Variants in GALNTL6 observed in about 807,000 individuals in gnomAD.
GALNTL6 encodes polypeptide N-acetylgalactosaminyltransferase-like 6.
A neutral mutation model predicts 73.7 loss-of-function variants in GALNTL6; 46 were observed. The observed-to-expected ratio is 0.62, with a 90% CI of 0.49 to 0.80. The LOEUF is 0.80. Ranked by LOEUF, GALNTL6 falls within the 30% of genes least tolerant of loss-of-function variation. The pLI is 0.00. For synonymous variants in GALNTL6, 259 were observed against 263.7 expected (o/e 0.98, Z 0.17); for missense variants, 604 against 755.0 (o/e 0.80, Z 2.34).
intron 2 of GALNTL6, among the ~76,000 whole-genome samples, chr4:172,161,025 G>T (rs952062026): frequency 6.6e-6 from 1 of 151,712 alleles, no homozygotes; most frequent in Admixed American, 6.6e-5. Context: ...GCAGGTGAAA[G>T]ATGTAATAAT....
At chr4:172,013,510 A>G (rs1420885516) in intron 2 of GALNTL6, among the ~76,000 whole-genome samples, 7 of 151,872 alleles carry the variant, frequency 4.6e-5, no homozygotes, top group Non-Finnish European at 8.8e-5. Context: ...TTTAAGATTA[A>G]CTAGTATATA....
intron 2 of GALNTL6, among the ~76,000 whole-genome samples, chr4:171,906,767 C>T (rs1218613566): frequency 1.3e-5 from 2 of 152,266 alleles, no homozygotes; most frequent in East Asian, 3.9e-4. Context: ...CAAACCGAAT[C>T]CAGCAGCACA....
chr4:171,824,318 G>A (rs1443270213), intron 2 of GALNTL6, among the ~76,000 whole-genome samples: 4 of 151,674 alleles, frequency 2.6e-5, no homozygotes, highest in African/African-American at 9.7e-5. Context: ...AGTGGTGAAG[G>A]GCATGGACAC....
At chr4:172,798,021 G>T (rs1315899092) in intron 5 of GALNTL6, among the ~76,000 whole-genome samples, 1 of 152,120 alleles carries the variant, frequency 6.6e-6, no homozygotes. Flanking sequence ...GTTCTATGCA[G>T]CTTGGTGATT....
intron 2 of GALNTL6, among the ~76,000 whole-genome samples, chr4:172,094,768 G>A (rs2131005): frequency 0.9 from 136,700 of 152,054 alleles, 62,395 homozygotes; most frequent in East Asian, 1. Context: ...GATTATTAAC[G>A]TCTTAATCAT....
intron 8 of GALNTL6, among the ~76,000 whole-genome samples, chr4:172,917,718 A>G (rs1255790460): frequency 6.6e-6 from 1 of 152,254 alleles, no homozygotes; most frequent in Non-Finnish European, 1.5e-5. Flanking sequence ...CACACCAGTT[A>G]GAATGGGGAT....
intron 7 of GALNTL6, among the ~76,000 whole-genome samples, chr4:172,830,461 A>C (rs540693380): frequency 5.9e-5 from 9 of 152,154 alleles, no homozygotes; most frequent in Non-Finnish European, 1.2e-4. Flanking sequence ...CCTTCTGGTA[A>C]AAAAGTGAAT....
intron 2 of GALNTL6, among the ~76,000 whole-genome samples, chr4:172,130,297 G>A (rs1394944567): frequency 2.7e-5 from 4 of 150,176 alleles, no homozygotes; most frequent in Admixed American, 6.7e-5. Flanking sequence ...TTATAAATAC[G>A]GAATCCTTTA....
intron 2 of GALNTL6, among the ~76,000 whole-genome samples, chr4:171,992,573 A>G (rs1323430895): frequency 6.6e-6 from 1 of 152,108 alleles, no homozygotes; most frequent in African/African-American, 2.4e-5. Flanking sequence ...AAAATGAGAA[A>G]TAGAATTCTG....
intron 2 of GALNTL6, among the ~76,000 whole-genome samples, chr4:171,903,186 G>A (rs1203258031): frequency 6.6e-6 from 1 of 152,146 alleles, no homozygotes; most frequent in East Asian, 1.9e-4. Context: ...CTCCCAGCGT[G>A]AGCGACACAG....
At chr4:172,122,069 C>A (rs1359859254) in intron 2 of GALNTL6, among the ~76,000 whole-genome samples, 1 of 150,814 alleles carries the variant, frequency 6.6e-6, no homozygotes, top group Non-Finnish European at 1.5e-5. Flanking sequence ...ATAGCAAAGA[C>A]ATTTCCTTGT....
At chr4:172,001,520 T>C (rs1448775730) in intron 2 of GALNTL6, among the ~76,000 whole-genome samples, 1 of 152,162 alleles carries the variant, frequency 6.6e-6, no homozygotes, top group Non-Finnish European at 1.5e-5. Context: ...AGTTTAGTTT[T>C]CCTTGACAAT....
At chr4:172,433,315 A>C (rs1731523736) in intron 5 of GALNTL6, among the ~76,000 whole-genome samples, 1 of 152,064 alleles carries the variant, frequency 6.6e-6, no homozygotes, top group Admixed American at 6.6e-5. Context: ...AAATTGCCAA[A>C]AGGATTAAAA....
chr4:172,417,120 T>C (rs1730867225), intron 5 of GALNTL6, among the ~76,000 whole-genome samples: 1 of 152,190 alleles, frequency 6.6e-6, no homozygotes. Context: ...GAAACCTTAA[T>C]ATTGTCTAAA....
chr4:172,487,304 T>TCTG lies in GALNTL6; in HGVS notation c.553+138615_553+138616insCTG, dbSNP rs1278783874. 9.8e-3 allele frequency among the ~76,000 whole-genome samples: 904 copies of TCTG among 91,998 alleles called. 11 individuals carry two copies. Among genetic ancestry groups the TCTG allele is most frequent in the African/African-American group, 0.036 (830 of 23,102 alleles). 60.4% of individuals were successfully genotyped at this position (91,998 alleles called of 152,430 possible). On this transcript the variant is annotated intron_variant, in intron 5 of 12. Coordinates refer to ENST00000506823, the MANE Select transcript of GALNTL6 (RefSeq NM_001034845.3). ...TTTCTTTCCTTCTTTCCTTCTGTCT[T>TCTG]TCTTTCTTTCTTTCTTTCTTTCTTT...
chr4:172,321,171 T>C (rs1740745244), intron 4 of GALNTL6, among the ~76,000 whole-genome samples: 1 of 152,144 alleles, frequency 6.6e-6, no homozygotes, highest in African/African-American at 2.4e-5. Flanking sequence ...ATAATAAATA[T>C]AGAGTTAGGT....
chr4:172,228,390 T>A (rs1736939927), intron 2 of GALNTL6, among the ~76,000 whole-genome samples: 1 of 152,088 alleles, frequency 6.6e-6, no homozygotes, highest in Admixed American at 6.5e-5. Context: ...TATAGTCACC[T>A]GATTGGGAAA....
intron 8 of GALNTL6, among the ~76,000 whole-genome samples, chr4:172,888,179 C>T (rs1406783027): frequency 6.6e-6 from 1 of 152,158 alleles, no homozygotes. Context: ...TGTGAAGAAG[C>T]TCTTAAGTTT....
intron 4 of GALNTL6, among the ~76,000 whole-genome samples, chr4:172,319,695 T>A (rs1740688829): frequency 6.6e-6 from 1 of 152,188 alleles, no homozygotes. Flanking sequence ...TTATTAAGCA[T>A]GTGAGTGACA....
Sources: allele counts gnomAD v4.1 joint callset (sites outside exome capture counted in the v4.1 genomes callset), GRCh38; gene constraint gnomAD v4.1.1; transcripts MANE v1.5; gene names NCBI Gene and HGNC (gene_info 2026-07-23, HGNC 2026-07-21).